Variants in TNR observed in about 807,000 individuals in gnomAD.
The protein encoded by TNR is tenascin R, also known as tenascin-R.
Under a neutral mutation model 150.4 loss-of-function variants are expected in TNR, and 45 were observed. The ratio of observed to expected loss-of-function variants is 0.30; its 90% CI spans 0.24 to 0.38. The LOEUF is 0.38. TNR is among the 10% of genes least tolerant of loss of function. The pLI is 1.00. For synonymous variants in TNR, 687 were observed against 678.4 expected, an observed-to-expected ratio of 1.01 and a Z score of -0.20; for missense variants, 1,544 against 1,759.1, an observed-to-expected ratio of 0.88 and a Z score of 2.19.
chr1:175,400,245 T>C lies in TNR; in HGVS notation c.976+2895A>G, dbSNP rs1414902702. 3.9e-5 allele frequency among the ~76,000 whole-genome samples: 6 copies of C among 152,152 alleles called. No individual in the cohort carries two copies. The East Asian group carries it at 1.2e-3, about 29-fold the overall frequency. On this transcript the variant is annotated intron_variant, in intron 4 of 22. Coordinates refer to ENST00000367674, the MANE Select transcript of TNR (RefSeq NM_003285.3). ...CTTCTTTGTGTATATGGCTTTAAAA[T>C]TTTTATTTTTCAATTCTATTCTACT...
intron 1 of TNR, among the ~76,000 whole-genome samples, chr1:175,546,218 A>T (rs960519986): frequency 6.6e-6 from 1 of 152,240 alleles, no homozygotes; most frequent in Non-Finnish European, 1.5e-5. Context: ...TGTGCCCAGC[A>T]CTGCATCAGA....
intron 1 of TNR, among the ~76,000 whole-genome samples, chr1:175,678,634 A>G (rs968521467): frequency 1.3e-5 from 2 of 152,350 alleles, no homozygotes; most frequent in South Asian, 2.1e-4. Context: ...GGAGTAGGCT[A>G]GCTTGCAGCT....
At chr1:175,594,857 TAA>T (rs1174868287) in intron 1 of TNR, among the ~76,000 whole-genome samples, 1,163 of 102,948 alleles carry the variant, frequency 0.011, 14 homozygotes, top group African/African-American at 0.036. Context: ...ACCTTGTTTC[TAA>T]AAAAAAAAAA....
intron 2 of TNR, among the ~76,000 whole-genome samples, chr1:175,423,796 C>G (rs1356771546): frequency 6.6e-6 from 1 of 152,114 alleles, no homozygotes; most frequent in Non-Finnish European, 1.5e-5. Flanking sequence ...TAATAGGGTG[C>G]AGCTAGGGTC....
intron 1 of TNR, among the ~76,000 whole-genome samples, chr1:175,668,032 G>A (rs926048084): frequency 1.3e-5 from 2 of 152,190 alleles, no homozygotes; most frequent in Admixed American, 6.5e-5. Flanking sequence ...TACTGAATCA[G>A]AGGCCACATT....
intron 1 of TNR, among the ~76,000 whole-genome samples, chr1:175,613,220 G>A (rs1663652167): frequency 6.6e-6 from 1 of 152,114 alleles, no homozygotes; most frequent in African/African-American, 2.4e-5. Flanking sequence ...AAATTCCTGT[G>A]ATTCTCTCTA....
At chr1:175,614,168 C>A (rs971813747) in intron 1 of TNR, among the ~76,000 whole-genome samples, 7 of 152,158 alleles carry the variant, frequency 4.6e-5, no homozygotes, top group African/African-American at 1.7e-4. Flanking sequence ...TATTAAAGAA[C>A]TGAGTGCATG....
intron 1 of TNR, among the ~76,000 whole-genome samples, chr1:175,557,055 C>T (rs1303914173): frequency 3.3e-5 from 5 of 152,204 alleles, no homozygotes; most frequent in Non-Finnish European, 7.3e-5. Context: ...GGATGTCTCC[C>T]CACTGCCCAA....
At position 175,585,428 on chromosome 1, in the gene TNR, TC is replaced by T. The variant is rs540295556; in HGVS notation, c.-164-57060del. 3.3e-5 allele frequency among the ~76,000 whole-genome samples: 5 copies of T among 152,336 alleles called. No homozygotes were observed. The East Asian group carries it at 9.6e-4, about 29-fold the overall frequency. On this transcript the variant is annotated intron_variant, in intron 1 of 22. Coordinates refer to ENST00000367674, the MANE Select transcript of TNR (RefSeq NM_003285.3). ...TGCCAAGAGTATTGCAAAAACATTA[TC>T]TTGTTAATTCTCATAGTAGCCTAAA...
intron 2 of TNR, among the ~76,000 whole-genome samples, chr1:175,411,557 T>A (rs114614154): frequency 0.02 from 3,061 of 151,828 alleles, 95 homozygotes; most frequent in African/African-American, 0.068. Context: ...ATCTGCCCCA[T>A]GCCCCTCTCC....
chr1:175,657,991 A>AC lies in TNR; in HGVS notation c.-165+85234dup, dbSNP rs371631053. On this transcript the variant is annotated intron_variant, in intron 1 of 22. Coordinates refer to ENST00000367674, the MANE Select transcript of TNR (RefSeq NM_003285.3). ...AATGGAGAGAGGACAAGCAAGAGCA[A>AC]CCCCCCTACCTCCACTTGGGTTCCC... Among the ~76,000 whole-genome samples, 489 of 149,528 alleles carry AC rather than the reference A, an allele frequency of 3.3e-3. 8 individuals are homozygous for AC. The highest frequency in any genetic ancestry group is 0.011 in the African/African-American group (462 of 40,646).
intron 2 of TNR, among the ~76,000 whole-genome samples, chr1:175,497,824 C>T (rs1051751832): frequency 2.0e-5 from 3 of 152,122 alleles, no homozygotes; most frequent in Non-Finnish European, 4.4e-5. Context: ...CTTTGGGAGG[C>T]CGAGGTGGGC....
At position 175,528,327 on chromosome 1, in the gene TNR, CAA is replaced by C. The variant is rs1659929409; in HGVS notation, c.-124_-123del. 6.6e-6 allele frequency: 1 copy of C among 152,156 alleles called. No individual in the cohort carries two copies. The highest frequency in any genetic ancestry group is 2.4e-5 in the African/African-American group (1 of 41,422). 9.4% of individuals were successfully genotyped at this position (152,156 alleles called of 1,614,324 possible). A position where few individuals can be genotyped will look rare whatever the true frequency, so the allele number is the denominator to read the frequency against. On this transcript the variant is annotated 5_prime_UTR_variant, in exon 2 of 23. Coordinates refer to ENST00000367674, the MANE Select transcript of TNR (RefSeq NM_003285.3). ...ACTGCACTTTCTTTAATCCTAATTC[CAA>C]AAGAGACCTGCCCTCTATGCAGTTA...
chr1:175,608,530 G>A (rs1663485842), intron 1 of TNR, among the ~76,000 whole-genome samples: 1 of 152,172 alleles, frequency 6.6e-6, no homozygotes, highest in Non-Finnish European at 1.5e-5. Context: ...GCAAAAGGCT[G>A]GATTTTACTA....
In TNR at chr1:175,727,988, C is replaced by T. The variant is rs756459867; in HGVS notation, c.-165+15238G>A. Among the ~76,000 whole-genome samples the T allele has an allele frequency of 6.6e-5, 10 of 152,296 alleles. No individual in the cohort carries two copies. In the East Asian group the frequency reaches 9.6e-4, roughly 15 times the overall value. On this transcript the variant is annotated intron_variant, in intron 1 of 22. Coordinates refer to ENST00000367674, the MANE Select transcript of TNR (RefSeq NM_003285.3). ...ATTTCTAGTATTCATTTGGGAATTA[C>T]GGTCATTATTGTTAAGTGACAACAG...
At chr1:175,684,399 A>G (rs112652723) in intron 1 of TNR, among the ~76,000 whole-genome samples, 1 of 152,276 alleles carries the variant, frequency 6.6e-6, no homozygotes, top group Non-Finnish European at 1.5e-5. Flanking sequence ...TCTATCCTAT[A>G]ATTTTCACAT....
chr1:175,437,171 A>G (rs1239647096), intron 2 of TNR, among the ~76,000 whole-genome samples: 1 of 152,224 alleles, frequency 6.6e-6, no homozygotes, highest in Non-Finnish European at 1.5e-5. Flanking sequence ...AATTATAACA[A>G]ACTGTCTCTC....
In TNR at chr1:175,354,387, T is replaced by C. The variant is rs1206235615; in HGVS notation, c.3382+4A>G. 2.5e-6 allele frequency: 4 copies of C among 1,613,632 alleles called. No homozygotes were observed. In the African/African-American group the frequency reaches 4.0e-5, roughly 16 times the overall value. On this transcript the variant is annotated splice_donor_region_variant and intron_variant, in intron 18 of 22. Coordinates refer to ENST00000367674, the MANE Select transcript of TNR (RefSeq NM_003285.3). The stretch of plus-strand genomic sequence containing the variant: ...AAGGCATCAAAGTGGCCATGCTCCC[T>C]CACCTGTGGTGAAAGCGGTGGAGGT...
At chr1:175,462,713 CTTAG>C (rs1322651631) in intron 2 of TNR, among the ~76,000 whole-genome samples, 1 of 152,168 alleles carries the variant, frequency 6.6e-6, no homozygotes, top group Non-Finnish European at 1.5e-5. Context: ...TGCCTTAAAA[CTTAG>C]TTAATTTATC....
Sources: allele counts gnomAD v4.1 joint callset (sites outside exome capture counted in the v4.1 genomes callset), GRCh38; gene constraint gnomAD v4.1.1; transcripts MANE v1.5; gene names NCBI Gene and HGNC (gene_info 2026-07-23, HGNC 2026-07-21).